Variants in F13A1 observed in about 807,000 individuals in gnomAD.
F13A1 encodes FSF, A subunit.
F13A1 carries 47 observed loss-of-function variants against 80.1 expected under a neutral mutation model. The ratio of observed to expected loss-of-function variants is 0.59; its 90% CI spans 0.46 to 0.75. The LOEUF is 0.75. Among genes scored for constraint, F13A1 ranks in the 30% least tolerant of loss-of-function variants. F13A1 has a pLI of 0.00. For synonymous variants in F13A1, 349 were observed against 344.9 expected (o/e 1.01, Z -0.13); for missense variants, 817 against 930.4 (o/e 0.88, Z 1.59).
intron 3 of F13A1, among the ~76,000 whole-genome samples, chr6:6,299,934 A>C (rs1441183723): frequency 1.4e-5 from 2 of 147,110 alleles, no homozygotes; most frequent in Non-Finnish European, 2.9e-5. Flanking sequence ...TTTGGTGTGG[A>C]TGTCCTTTCT....
intron 8 of F13A1, among the ~76,000 whole-genome samples, chr6:6,204,444 C>T (rs770365684): frequency 6.6e-5 from 10 of 152,242 alleles, no homozygotes; most frequent in Admixed American, 6.5e-4. Flanking sequence ...AAGGCACTGT[C>T]TATCTTGCAA....
chr6:6,255,420 T>C (rs553594788), intron 4 of F13A1, among the ~76,000 whole-genome samples: 1 of 152,068 alleles, frequency 6.6e-6, no homozygotes, highest in East Asian at 1.9e-4. Flanking sequence ...AGCTAGTGAG[T>C]TGTGAAGCTA....
intron 3 of F13A1, among the ~76,000 whole-genome samples, chr6:6,298,649 T>G (rs202095381): frequency 8.3e-5 from 12 of 144,712 alleles, no homozygotes; most frequent in Admixed American, 2.0e-4. Flanking sequence ...TGTCTCTGCA[T>G]GTGAGATGGG....
intron 3 of F13A1, among the ~76,000 whole-genome samples, chr6:6,301,938 A>G (rs1758438959): frequency 6.6e-6 from 1 of 151,960 alleles, no homozygotes; most frequent in Non-Finnish European, 1.5e-5. Flanking sequence ...CTGCAGTTCA[A>G]CTCCTCCCTC....
intron 6 of F13A1, among the ~76,000 whole-genome samples, chr6:6,234,174 A>C (rs1757386772): frequency 6.6e-6 from 1 of 152,080 alleles, no homozygotes; most frequent in South Asian, 2.1e-4. Flanking sequence ...CTGTTTGCTG[A>C]CGATATGATT....
intron 3 of F13A1, among the ~76,000 whole-genome samples, chr6:6,288,515 G>A (rs1440835573): frequency 2.0e-5 from 3 of 152,088 alleles, no homozygotes; most frequent in Admixed American, 2.0e-4. Context: ...TCTTCTAAGG[G>A]CTGTATAGTA....
chr6:6,167,697 C>A (rs747665925), intron 12 of F13A1, 79 bp from the exon 13 acceptor site: 1 of 1,528,926 alleles, frequency 6.5e-7, no homozygotes, highest in African/African-American at 1.4e-5. Flanking sequence ...AGTTTCCCTA[C>A]CCCTCCCACA....
At chr6:6,239,462 A>G (rs1282860036) in intron 6 of F13A1, among the ~76,000 whole-genome samples, 2 of 151,544 alleles carry the variant, frequency 1.3e-5, no homozygotes, top group Non-Finnish European at 2.9e-5. Flanking sequence ...TGTAAATTTT[A>G]CTTCAATTAA....
intron 10 of F13A1, among the ~76,000 whole-genome samples, chr6:6,183,147 C>A (rs1761018839): frequency 6.6e-6 from 1 of 152,088 alleles, no homozygotes; most frequent in Admixed American, 6.5e-5. Context: ...ATCATGGAAG[C>A]AGGTAGGAAG....
chr6:6,281,993 C>CAAAAAAAAAAAAA (rs10584369), intron 3 of F13A1, among the ~76,000 whole-genome samples: 1 of 93,396 alleles, frequency 1.1e-5, no homozygotes, highest in Non-Finnish European at 2.1e-5. Flanking sequence ...GACTCCGTCT[C>CAAAAAAAAAAAAA]AAAAAAAAAA....
chr6:6,297,227 G>A (rs1207007277), intron 3 of F13A1, among the ~76,000 whole-genome samples: 1 of 151,814 alleles, frequency 6.6e-6, no homozygotes, highest in Non-Finnish European at 1.5e-5. Flanking sequence ...TTGTGTCTCT[G>A]CCCGGCTTTG....
intron 8 of F13A1, among the ~76,000 whole-genome samples, chr6:6,221,785 CTA>C (rs1757198687): frequency 6.6e-6 from 1 of 152,150 alleles, no homozygotes. Context: ...GCAGCTAAAA[CTA>C]TGACCTTTTT....
At chr6:6,257,842 T>A (rs1757723341) in intron 4 of F13A1, among the ~76,000 whole-genome samples, 1 of 152,218 alleles carries the variant, frequency 6.6e-6, no homozygotes, top group Non-Finnish European at 1.5e-5. Context: ...TGTACTGAGA[T>A]ATCTTCAGAA....
intron 3 of F13A1, among the ~76,000 whole-genome samples, chr6:6,292,208 G>T (rs559048513): frequency 6.6e-6 from 1 of 152,322 alleles, no homozygotes; most frequent in East Asian, 1.9e-4. Flanking sequence ...CAGTGCCAAT[G>T]AGTTATCAAT....
intron 3 of F13A1, among the ~76,000 whole-genome samples, chr6:6,304,860 C>CAAAAA (rs10719492): frequency 0.018 from 1,832 of 102,992 alleles, 23 homozygotes; most frequent in East Asian, 0.049. Context: ...GACTCTGTCT[C>CAAAAA]AAAAAAAAAA....
intron 8 of F13A1, among the ~76,000 whole-genome samples, chr6:6,207,433 T>C (rs1186145268): frequency 6.6e-6 from 1 of 152,194 alleles, no homozygotes; most frequent in Non-Finnish European, 1.5e-5. Context: ...TCATAATGCC[T>C]GAAGGGGCAA....
intron 12 of F13A1, among the ~76,000 whole-genome samples, chr6:6,173,200 A>T (rs1760806980): frequency 6.6e-6 from 1 of 152,000 alleles, no homozygotes; most frequent in Admixed American, 6.6e-5. Flanking sequence ...AGGAAATGTG[A>T]TTTTTTGAGA....
At chr6:6,299,857 G>GT (rs1166767525) in intron 3 of F13A1, among the ~76,000 whole-genome samples, 1 of 147,882 alleles carries the variant, frequency 6.8e-6, no homozygotes, top group East Asian at 1.9e-4. Context: ...TTTCTGTTCT[G>GT]TTTTTTCCCC....
At chr6:6,288,582 T>A (rs1197562561) in intron 3 of F13A1, among the ~76,000 whole-genome samples, 4 of 152,224 alleles carry the variant, frequency 2.6e-5, no homozygotes, top group Admixed American at 1.3e-4. Context: ...TGCTTTCATA[T>A]CTTGGTTATT....
Sources: gnomAD v4.1 joint callset for allele counts (sites outside exome capture counted in the v4.1 genomes callset) on GRCh38, gnomAD v4.1.1 for gene constraint, MANE v1.5 for transcripts, NCBI Gene and HGNC (gene_info 2026-07-23, HGNC 2026-07-21) for gene names.